Variants in GATAD1 observed in about 807,000 individuals in gnomAD.
GATAD1 encodes the protein GATA zinc finger domain-containing protein 1.
Under a neutral mutation model 26.5 loss-of-function variants are expected in GATAD1, and 12 were observed. The observed-to-expected ratio is 0.45, with a 90% confidence interval of 0.29 to 0.73. The LOEUF is 0.73. Ranked by LOEUF, GATAD1 falls within the 30% of genes least tolerant of loss-of-function variation. The pLI is 0.10. For synonymous variants in GATAD1, 129 were observed against 133.1 expected (o/e 0.97, Z 0.21); for missense variants, 266 against 342.1 (o/e 0.78, Z 1.75).
chr7:92,486,609 T>C, the GATAD1 span, among the ~76,000 whole-genome samples: 2 of 152,142 alleles, frequency 1.3e-5, no homozygotes, highest in African/African-American at 2.4e-5. Context: ...GAGCAAGTGA[T>C]CCTCCTACCT....
downstream of GATAD1, among the ~76,000 whole-genome samples, chr7:92,461,715 T>A (rs749643431): frequency 6.6e-6 from 1 of 152,186 alleles, no homozygotes; most frequent in South Asian, 2.1e-4. Flanking sequence ...AGCTCCCTCA[T>A]GTGGCTGTTG....
At chr7:92,484,529 C>G in the GATAD1 span, among the ~76,000 whole-genome samples, 1 of 152,130 alleles carries the variant, frequency 6.6e-6, no homozygotes, top group Non-Finnish European at 1.5e-5. Context: ...CTTCCCAAGT[C>G]CGTGACTGGT....
the GATAD1 span, chr7:92,468,755 G>A: frequency 1.4e-5 from 10 of 707,508 alleles, no homozygotes; most frequent in East Asian, 2.5e-5. Flanking sequence ...GAGGTTGGCC[G>A]ACGACCGCTC....
At chr7:92,495,742 A>G in the GATAD1 span, among the ~76,000 whole-genome samples, 2 of 152,078 alleles carry the variant, frequency 1.3e-5, no homozygotes, top group Non-Finnish European at 2.9e-5. Context: ...TCGGTGTTCA[A>G]AAAATAAATC....
chr7:92,469,344 G>A, the GATAD1 span: 1 of 765,300 alleles, frequency 1.3e-6, no homozygotes, highest in Admixed American at 1.7e-5. Flanking sequence ...GTTTGTAGTA[G>A]AACTGAGTAG....
chr7:92,463,766 A>G (rs140226862), downstream of GATAD1, among the ~76,000 whole-genome samples: 1,387 of 152,102 alleles, frequency 9.1e-3, 10 homozygotes, highest in Middle Eastern at 0.024. Context: ...GTCAAGAGTT[A>G]AGGACCAGCC....
At chr7:92,474,319 A>G in the GATAD1 span, among the ~76,000 whole-genome samples, 3 of 152,038 alleles carry the variant, frequency 2.0e-5, no homozygotes, top group Non-Finnish European at 4.4e-5. Flanking sequence ...ACGCTTTAAG[A>G]TTAGTTGGCC....
chr7:92,448,383 C>G (rs998175582), intron 1 of GATAD1, among the ~76,000 whole-genome samples: 1 of 152,140 alleles, frequency 6.6e-6, no homozygotes, highest in Non-Finnish European at 1.5e-5. Flanking sequence ...TAACCTACTA[C>G]GTTCTCTGGC....
downstream of GATAD1, among the ~76,000 whole-genome samples, chr7:92,464,094 A>G (rs1444271253): frequency 6.6e-6 from 1 of 152,230 alleles, no homozygotes; most frequent in Non-Finnish European, 1.5e-5. Context: ...AGTGAGGAGG[A>G]TGAATTAAGG....
chr7:92,462,151 G>C (rs1400948201), downstream of GATAD1, among the ~76,000 whole-genome samples: 2 of 151,932 alleles, frequency 1.3e-5, no homozygotes, highest in Non-Finnish European at 1.5e-5. Context: ...CCAAAAAATG[G>C]GTATAAAAAG....
intron 2 of GATAD1, 29 bp from the exon 3 acceptor site, chr7:92,450,672 A>C: frequency 6.6e-7 from 1 of 1,517,742 alleles, no homozygotes; most frequent in Non-Finnish European, 9.2e-7. Context: ...CATACTATGA[A>C]TGTGCTAATG....
intron 2 of GATAD1, 38 bp downstream of exon 2, chr7:92,448,915 C>T (rs1420093745): frequency 3.0e-5 from 48 of 1,587,254 alleles, no homozygotes; most frequent in South Asian, 4.4e-5. Context: ...ACTGTAATGA[C>T]GTTGTGTGTA....
chr7:92,493,991 G>T, the GATAD1 span: 1 of 326,810 alleles, frequency 3.1e-6, no homozygotes, highest in East Asian at 7.4e-5. Flanking sequence ...ACAGGATAAT[G>T]GAAGTATGTA....
intron 3 of GATAD1, among the ~76,000 whole-genome samples, chr7:92,453,707 TGGG>T (rs964565247): frequency 1.3e-5 from 2 of 152,138 alleles, no homozygotes; most frequent in Non-Finnish European, 2.9e-5. Flanking sequence ...AGTGGATGGT[TGGG>T]GAGGGTGGCA....
the GATAD1 span, chr7:92,492,900 G>T: frequency 2.2e-6 from 3 of 1,355,750 alleles, no homozygotes; most frequent in Non-Finnish European, 3.2e-6. Context: ...TTTTGACATT[G>T]TACTTCTTTT....
chr7:92,455,393 G>T (rs140941939), intron 4 of GATAD1, among the ~76,000 whole-genome samples: 57 of 152,266 alleles, frequency 3.7e-4, no homozygotes, highest in Non-Finnish European at 5.6e-4. Context: ...ATTTAGGAAA[G>T]AACTATCCCA....
Position 92,456,862 on chromosome 7 carries a change from C to T in GATAD1, c.*300C>T, listed in dbSNP as rs949294909. ...GAAAATTAAAAGGGATAGGGCCAGG[C>T]ACAGTGGCTTATGCCTGTAATTGCA... On this transcript the variant is annotated 3_prime_UTR_variant, in exon 5 of 5. Transcript: ENST00000287957. The T allele has an allele frequency of 6.0e-5, 15 of 252,034 alleles. No homozygotes were observed. The highest frequency in any genetic ancestry group is 9.7e-5 in the Non-Finnish European group (13 of 134,292). 15.6% of individuals were successfully genotyped at this position (252,034 alleles called of 1,614,324 possible).
At chr7:92,454,708 GT>G (rs138108362) in intron 4 of GATAD1, 23 bp downstream of exon 4, 343 of 1,498,640 alleles carry the variant, frequency 2.3e-4, no homozygotes, top group Non-Finnish European at 2.6e-4. Flanking sequence ...AATGGCACAG[GT>G]TTTTTTTTAA....
In GATAD1 at chr7:92,456,594, G is replaced by T. The variant is rs201484113; in HGVS notation, c.*32G>T. 8.1e-5 allele frequency: 119 copies of T among 1,462,904 alleles called. No homozygotes were observed. Among genetic ancestry groups the T allele is most frequent in the Non-Finnish European group, 1.0e-4 (107 of 1,048,538 alleles). The allele number at this position is 1,462,904 out of a possible 1,614,324, so 90.6% of individuals were successfully genotyped here. On this transcript the variant is annotated 3_prime_UTR_variant, in exon 5 of 5. Coordinates refer to ENST00000287957, the MANE Select transcript of GATAD1 (RefSeq NM_021167.5). ...AATTAAAACTGGGTTTCCAGGCCTG[G>T]TGTGGTGGCTCACGCCTGTAGCCCC...
Sources: gnomAD v4.1 joint callset for allele counts (sites outside exome capture counted in the v4.1 genomes callset) on GRCh38, gnomAD v4.1.1 for gene constraint, MANE v1.5 for transcripts, NCBI Gene and HGNC (gene_info 2026-07-23, HGNC 2026-07-21) for gene names.